Variants in RIT2 observed in about 807,000 individuals in gnomAD.
RIT2 encodes the protein Ras like without CAAX 2, also known as GTP-binding protein Rit2.
A neutral mutation model predicts 23.7 loss-of-function variants in RIT2; 24 were observed. That is an observed-to-expected ratio of 1.01 (90% CI 0.73 to 1.43). RIT2 has a LOEUF of 1.43. RIT2 is among the 40% of genes most tolerant of loss of function. The probability of loss-of-function intolerance (pLI) is 0.00; values close to 1 mark genes in which losing one functional copy is unlikely to be tolerated. For synonymous variants in RIT2, 107 were observed against 91.1 expected (o/e 1.17, Z -0.99); for missense variants, 236 against 266.9 (o/e 0.88, Z 0.81).
At position 42,990,106 on chromosome 18, in the gene RIT2, G is replaced by A. The variant is rs374466253; in HGVS notation, c.161-15959C>T. On this transcript the variant is annotated intron_variant, in intron 2 of 4. Transcript: ENST00000326695. ...TCCTCAGATCTGCAGCCAACATGCTGGAGAGCCAGGAAAGCCATTGGTGTT... is the reference window on the plus strand; with the variant it reads ...TCCTCAGATCTGCAGCCAACATGCTAGAGAGCCAGGAAAGCCATTGGTGTT... Among the ~76,000 whole-genome samples the A allele has an allele frequency of 2.0e-5, 3 of 151,782 alleles. No individual in the cohort carries two copies. In the East Asian group the frequency reaches 5.8e-4, roughly 29 times the overall value.
At chr18:42,774,305 T>C (rs1913616763) in intron 4 of RIT2, among the ~76,000 whole-genome samples, 2 of 152,144 alleles carry the variant, frequency 1.3e-5, no homozygotes, top group Non-Finnish European at 2.9e-5. Context: ...CCCAACTTCA[T>C]AGGCGATTTT....
At chr18:43,097,713 A>T (rs895895029) in intron 1 of RIT2, among the ~76,000 whole-genome samples, 2 of 151,834 alleles carry the variant, frequency 1.3e-5, no homozygotes, top group Admixed American at 6.6e-5. Context: ...TAAAAAGAAA[A>T]CTTTATCCAC....
intron 4 of RIT2, among the ~76,000 whole-genome samples, chr18:42,878,539 A>G (rs1907803382): frequency 1.3e-5 from 2 of 150,040 alleles, no homozygotes; most frequent in Admixed American, 1.3e-4. Flanking sequence ...CATGCATTTC[A>G]AACCCATGTT....
chr18:42,760,750 C>T (rs530377385), intron 4 of RIT2, among the ~76,000 whole-genome samples: 2 of 152,084 alleles, frequency 1.3e-5, no homozygotes, highest in Non-Finnish European at 2.9e-5. Flanking sequence ...AACAGAAGGC[C>T]ATTTGCTTCT....
chr18:42,743,579 A>G lies in RIT2; in HGVS notation c.568T>C (p.Leu190=). The G allele has an allele frequency of 6.2e-7, 1 of 1,614,088 alleles. No homozygotes were observed. Among genetic ancestry groups the G allele is most frequent in the South Asian group, 1.1e-5 (1 of 91,080 alleles). ...TTTCTCTTCAGTTTCTTTTCCATCA[A>G]GGATGGCATGGACTCCTTCTTGCGA... ...EIRKKESMPS[L]MEKKLKRKDS... The change falls in exon 5 of 5, where the codon TTG becomes CTG. Residue 190 remains leucine (L), a synonymous_variant. Coordinates refer to ENST00000326695, the MANE Select transcript of RIT2 (RefSeq NM_002930.4).
chr18:43,026,778 G>T (rs941937205), intron 2 of RIT2, among the ~76,000 whole-genome samples: 1 of 151,606 alleles, frequency 6.6e-6, no homozygotes, highest in Admixed American at 6.6e-5. Context: ...TTGGAAGCTA[G>T]AGATATAAGT....
intron 4 of RIT2, among the ~76,000 whole-genome samples, chr18:42,789,299 C>T (rs547559818): frequency 5.3e-4 from 81 of 152,236 alleles, no homozygotes; most frequent in African/African-American, 1.8e-3. Flanking sequence ...TGATTATCAC[C>T]GTGGTCCGTA....
chr18:42,791,321 A>G (rs1016482839), intron 4 of RIT2, among the ~76,000 whole-genome samples: 1 of 152,180 alleles, frequency 6.6e-6, no homozygotes, highest in Non-Finnish European at 1.5e-5. Context: ...TTGCTTTGCC[A>G]TTTAGTTACA....
chr18:42,999,333 T>C (rs1346620933), intron 2 of RIT2, among the ~76,000 whole-genome samples: 1 of 152,094 alleles, frequency 6.6e-6, no homozygotes, highest in African/African-American at 2.4e-5. Flanking sequence ...CTGACACTCA[T>C]GGCCATACAG....
chr18:42,994,079 C>A (rs1294344053), intron 2 of RIT2, among the ~76,000 whole-genome samples: 1 of 152,106 alleles, frequency 6.6e-6, no homozygotes, highest in East Asian at 1.9e-4. Flanking sequence ...ATAAACTCTC[C>A]TATCCTCAAT....
intron 2 of RIT2, among the ~76,000 whole-genome samples, chr18:43,004,858 AC>A (rs1396268971): frequency 1.3e-5 from 2 of 151,906 alleles, no homozygotes; most frequent in Admixed American, 6.6e-5. Context: ...AGATCTGCAG[AC>A]TCAATTACTA....
chr18:43,007,668 T>A (rs892176854), intron 2 of RIT2, among the ~76,000 whole-genome samples: 5 of 151,814 alleles, frequency 3.3e-5, no homozygotes, highest in Non-Finnish European at 4.4e-5. Flanking sequence ...AATTGGAACA[T>A]CATTAAGGAC....
Position 42,810,457 on chromosome 18 carries a change from T to C in RIT2, c.427-66737A>G, listed in dbSNP as rs1026897507. 1.8e-4 allele frequency among the ~76,000 whole-genome samples: 27 copies of C among 151,978 alleles called. 1 individual carries two copies. The highest frequency in any genetic ancestry group is 3.7e-4 in the Non-Finnish European group (25 of 67,844). On this transcript the variant is annotated intron_variant, in intron 4 of 4. Transcript: ENST00000326695. ...AAAGTAACCTATTAATTTTTTTTTT[T>C]CCTGAAGAGCTTCATTATACAATAT...
At chr18:42,915,181 C>T (rs954236054) in intron 4 of RIT2, among the ~76,000 whole-genome samples, 1 of 150,700 alleles carries the variant, frequency 6.6e-6, no homozygotes, top group Non-Finnish European at 1.5e-5. Flanking sequence ...CACACACACA[C>T]ACACCATGCA....
At chr18:42,859,973 T>C (rs1206043411) in intron 4 of RIT2, among the ~76,000 whole-genome samples, 1 of 149,492 alleles carries the variant, frequency 6.7e-6, no homozygotes, top group African/African-American at 2.5e-5. Flanking sequence ...TTTCATTTCC[T>C]TGATTTAAAA....
intron 4 of RIT2, among the ~76,000 whole-genome samples, chr18:42,780,097 C>T (rs1422370211): frequency 3.4e-5 from 4 of 115,984 alleles, no homozygotes; most frequent in Non-Finnish European, 5.0e-5. Context: ...GATCATGGCC[C>T]CTGTCACAGC....
rs575523138 is a variant in RIT2, at chr18:43,013,721, C to G, written c.160+20090G>C. On this transcript the variant is annotated intron_variant, in intron 2 of 4. Transcript: ENST00000326695. ...TAACTATCTGTATGATGCATTAACT[C>G]GCTGCAATTTTCGGTATCAAATGCT... Among the ~76,000 whole-genome samples the G allele has an allele frequency of 3.0e-4, 46 of 151,750 alleles. No homozygotes were observed. The South Asian group carries it at 9.1e-3, about 30-fold the overall frequency.
chr18:42,903,064 T>A (rs1418457948), intron 4 of RIT2, among the ~76,000 whole-genome samples: 1 of 151,862 alleles, frequency 6.6e-6, no homozygotes, highest in African/African-American at 2.4e-5. Context: ...AAGAAGTAAT[T>A]CTGGATATTC....
At chr18:42,773,839 GTCTATC>G (rs1198500874) in intron 4 of RIT2, among the ~76,000 whole-genome samples, 4 of 152,090 alleles carry the variant, frequency 2.6e-5, no homozygotes, top group African/African-American at 4.8e-5. Flanking sequence ...GATATACCAT[GTCTATC>G]TCTATAACAC....
Sources: gnomAD v4.1 joint callset for allele counts (sites outside exome capture counted in the v4.1 genomes callset) on GRCh38, gnomAD v4.1.1 for gene constraint, MANE v1.5 for transcripts, NCBI Gene and HGNC (gene_info 2026-07-23, HGNC 2026-07-21) for gene names.